Variants in ALCAM observed in about 807,000 individuals in gnomAD.
ALCAM encodes the protein CD166 antigen.
In ALCAM, 30 loss-of-function variants were observed where a neutral mutation model predicts 70.9. The ratio of observed to expected loss-of-function variants is 0.42; its 90% CI spans 0.32 to 0.57. The LOEUF (loss-of-function observed/expected upper bound fraction) is 0.57. Among genes scored for constraint, ALCAM ranks in the 20% least tolerant of loss-of-function variants. The probability of loss-of-function intolerance (pLI) is 0.11; values close to 1 mark genes in which losing one functional copy is unlikely to be tolerated. For synonymous variants in ALCAM, 249 were observed against 242.5 expected (o/e 1.03, Z -0.25); for missense variants, 591 against 695.1 (o/e 0.85, Z 1.68).
At chr3:105,455,576 C>G (rs1317695342) in intron 1 of ALCAM, among the ~76,000 whole-genome samples, 1 of 152,090 alleles carries the variant, frequency 6.6e-6, no homozygotes, top group African/African-American at 2.4e-5. Context: ...GGAGGCAGGA[C>G]TCAACTCTGG....
chr3:105,500,066 A>G (rs745773251), intron 1 of ALCAM, among the ~76,000 whole-genome samples: 1 of 152,166 alleles, frequency 6.6e-6, no homozygotes, highest in African/African-American at 2.4e-5. Context: ...CTTTGTTCAC[A>G]GACTACACAG....
chr3:105,537,546 A>G (rs921483364), intron 6 of ALCAM, among the ~76,000 whole-genome samples: 32 of 152,022 alleles, frequency 2.1e-4, no homozygotes, highest in African/African-American at 7.0e-4. Context: ...GCCTGTATCC[A>G]CTGTGGTCTG....
intron 1 of ALCAM, among the ~76,000 whole-genome samples, chr3:105,422,683 T>C (rs1936698524): frequency 6.6e-6 from 1 of 151,484 alleles, no homozygotes; most frequent in Non-Finnish European, 1.5e-5. Flanking sequence ...GAACATTCAA[T>C]AATAATAAGA....
intron 1 of ALCAM, among the ~76,000 whole-genome samples, chr3:105,410,187 A>G (rs1936350719): frequency 6.6e-6 from 1 of 152,028 alleles, no homozygotes. Context: ...TGATGCTGTA[A>G]CAGAACCACC....
chr3:105,407,754 C>G (rs898424178), intron 1 of ALCAM, among the ~76,000 whole-genome samples: 1 of 151,594 alleles, frequency 6.6e-6, no homozygotes, highest in Non-Finnish European at 1.5e-5. Context: ...AAAGGGCATC[C>G]GAAGAGGAAG....
At position 105,541,636 on chromosome 3, in the gene ALCAM, C is replaced by T; in HGVS notation, c.862C>T (p.Gln288Ter). ...GACATTTTGCCTCTATCAAAAGGGA[C>T]AGCCCGAAGGAATAAGAAGCTCAAA... ...PEEFLFYLPG[Q>*]PEGIRSSNTY... The change falls in exon 8 of 16, where the codon CAG (glutamine) becomes TAG (stop). Residue 288 changes from glutamine (Q) to a stop codon, truncating the protein, a stop_gained. Coordinates refer to ENST00000306107, the MANE Select transcript of ALCAM (RefSeq NM_001627.4). LOFTEE classifies it high-confidence loss of function. The T allele has an allele frequency of 6.2e-7, 1 of 1,611,288 alleles. No homozygotes were observed. Among genetic ancestry groups the T allele is most frequent in the South Asian group, 1.1e-5 (1 of 90,896 alleles).
At chr3:105,460,796 G>A (rs1241735145) in intron 1 of ALCAM, among the ~76,000 whole-genome samples, 1 of 151,916 alleles carries the variant, frequency 6.6e-6, no homozygotes, top group African/African-American at 2.4e-5. Flanking sequence ...TACCCAACAT[G>A]CCATTGGTGA....
At chr3:105,521,525 A>G (rs1278946370) in intron 2 of ALCAM, among the ~76,000 whole-genome samples, 1 of 152,170 alleles carries the variant, frequency 6.6e-6, no homozygotes, top group African/African-American at 2.4e-5. Flanking sequence ...GTGGTTTAAC[A>G]CAGTCTTTTA....
intron 14 of ALCAM, chr3:105,552,870 C>T (rs1310779696): frequency 1.9e-5 from 23 of 1,181,212 alleles, no homozygotes; most frequent in Admixed American, 4.1e-5. Flanking sequence ...TTTTTTAAAG[C>T]GTATACTTCC....
rs961418009 is a variant in ALCAM at position 105,435,031 on chromosome 3, A to G, written c.73+67550A>G. ...CTATATTATAGTCTTTGCCTATGCT[A>G]CTAATCAATGATATGGCATCAGGCA... On this transcript the variant is annotated intron_variant, in intron 1 of 15. Coordinates refer to ENST00000306107, the MANE Select transcript of ALCAM (RefSeq NM_001627.4). Among the ~76,000 whole-genome samples the G allele has an allele frequency of 3.9e-5, 6 of 152,346 alleles. 1 individual carries two copies. The highest frequency in any genetic ancestry group is 2.0e-4 in the Admixed American group (3 of 15,306).
At chr3:105,571,432 G>A (rs1260254475) in intron 14 of ALCAM, among the ~76,000 whole-genome samples, 1 of 152,084 alleles carries the variant, frequency 6.6e-6, no homozygotes, top group African/African-American at 2.4e-5. Context: ...AGCTCAACTG[G>A]GATACATGAT....
At chr3:105,527,054 C>T (rs9842815) in intron 3 of ALCAM, among the ~76,000 whole-genome samples, 15,059 of 152,138 alleles carry the variant, frequency 0.099, 786 homozygotes, top group Non-Finnish European at 0.12. Flanking sequence ...TTAAGCTATT[C>T]CTCATATGCA....
chr3:105,457,249 C>T (rs1053584385), intron 1 of ALCAM, among the ~76,000 whole-genome samples: 2 of 152,176 alleles, frequency 1.3e-5, no homozygotes, highest in Non-Finnish European at 2.9e-5. Flanking sequence ...TCTGTGGCTG[C>T]ATGGTATTCC....
At chr3:105,486,722 T>C (rs1310973375) in intron 1 of ALCAM, among the ~76,000 whole-genome samples, 1 of 152,094 alleles carries the variant, frequency 6.6e-6, no homozygotes, top group African/African-American at 2.4e-5. Flanking sequence ...AGGGGACATA[T>C]AGGAAAGTCA....
chr3:105,367,479 C>G lies in ALCAM; in HGVS notation c.71C>G (p.Pro24Arg). 1 of 1,614,066 alleles carries G rather than the reference C, an allele frequency of 6.2e-7. No individual in the cohort carries two copies. Among genetic ancestry groups the G allele is most frequent in the East Asian group, 2.2e-5 (1 of 44,866 alleles). Reference protein sequence around the residue: ...CLLISATVFRPGLGWYTVNSA... With the variant: ...CLLISATVFRRGLGWYTVNSA... ...TTGATCTCCGCCACCGTCTTCAGGC[C>G]AGGTGAGCAAGGGCCTGGGAGCAGC... Residue 24 changes from proline (P) to arginine (R), a missense_variant and splice_region_variant, in exon 1 of 16, where the codon CCA becomes CGA. Coordinates refer to ENST00000306107, the MANE Select transcript of ALCAM (RefSeq NM_001627.4).
intron 1 of ALCAM, among the ~76,000 whole-genome samples, chr3:105,416,124 C>A (rs2107405308): frequency 6.6e-6 from 1 of 152,116 alleles, no homozygotes; most frequent in African/African-American, 2.4e-5. Flanking sequence ...CTGTCATTCT[C>A]AACTTGACTT....
Position 105,367,590 on chromosome 3 carries a change from G to A in ALCAM, c.73+109G>A. 2.3e-6 allele frequency: 3 copies of A among 1,285,452 alleles called. No homozygotes were observed. The South Asian group carries it at 3.8e-5, about 16-fold the overall frequency. 79.6% of individuals were successfully genotyped at this position (1,285,452 alleles called of 1,614,324 possible). A position where few individuals can be genotyped will look rare whatever the true frequency, so the allele number is the denominator to read the frequency against. ...AGGCAGTGCGCCCAGGCGCGTGGTG[G>A]AGGTAAGGGGACCGCTGTCCTGGCA... On this transcript the variant is annotated intron_variant, in intron 1 of 15. Coordinates refer to ENST00000306107, the MANE Select transcript of ALCAM (RefSeq NM_001627.4).
chr3:105,439,781 T>A (rs1436060712), intron 1 of ALCAM, among the ~76,000 whole-genome samples: 4 of 152,192 alleles, frequency 2.6e-5, no homozygotes, highest in African/African-American at 9.6e-5. Flanking sequence ...CCTATTTATA[T>A]TTCTGAAGGA....
intron 1 of ALCAM, among the ~76,000 whole-genome samples, chr3:105,507,926 T>C (rs1939127227): frequency 1.3e-5 from 2 of 152,024 alleles, no homozygotes; most frequent in Non-Finnish European, 2.9e-5. Context: ...TAGAAATGCA[T>C]ATAGGGCTCC....
Sources: allele counts gnomAD v4.1 joint callset (sites outside exome capture counted in the v4.1 genomes callset), GRCh38; gene constraint gnomAD v4.1.1; transcripts MANE v1.5; gene names NCBI Gene and HGNC (gene_info 2026-07-23, HGNC 2026-07-21).